The following THRAP3 variants were observed in gnomAD, a reference collection of about 807,000 sequenced individuals.
THRAP3 encodes the protein thyroid hormone receptor-associated protein 3.
A neutral mutation model predicts 101.0 loss-of-function variants in THRAP3; 16 were observed. That is an observed-to-expected ratio of 0.16 (90% CI 0.11 to 0.24). The LOEUF (loss-of-function observed/expected upper bound fraction) is 0.24. THRAP3 is among the 10% of genes least tolerant of loss of function. The pLI, the probability that THRAP3 is intolerant of heterozygous loss-of-function variation, is 1.00. For missense variants in THRAP3, 989 were observed against 1,202.7 expected (o/e 0.82, Z 2.63); for synonymous variants, 407 against 422.6 (o/e 0.96, Z 0.45).
chr1:36,210,524 A>G, the THRAP3 span, among the ~76,000 whole-genome samples: 1 of 146,316 alleles, frequency 6.8e-6, no homozygotes, highest in Non-Finnish European at 1.5e-5. Flanking sequence ...CCCTGTCTCT[A>G]CTAAAAATAC....
chr1:36,285,256 T>C (rs564939958), intron 3 of THRAP3, among the ~76,000 whole-genome samples: 3 of 152,212 alleles, frequency 2.0e-5, no homozygotes, highest in Non-Finnish European at 4.4e-5. Context: ...AAAGAAAATA[T>C]TATTTGAAAG....
chr1:36,232,386 T>C (rs1289721362), intron 1 of THRAP3, among the ~76,000 whole-genome samples: 1 of 152,204 alleles, frequency 6.6e-6, no homozygotes, highest in Non-Finnish European at 1.5e-5. Context: ...CACATGTATC[T>C]ATTACATTGG....
chr1:36,237,615 A>G (rs994898306), intron 1 of THRAP3, among the ~76,000 whole-genome samples: 3 of 151,988 alleles, frequency 2.0e-5, no homozygotes, highest in African/African-American at 7.3e-5. Context: ...TACTAAAAAT[A>G]CAAAAGTTAG....
rs11805340 is a variant in THRAP3, at chr1:36,261,135, C to T, written c.-32+1651C>T. On this transcript the variant is annotated intron_variant, in intron 2 of 11. Coordinates refer to ENST00000354618, the MANE Select transcript of THRAP3 (RefSeq NM_005119.4). ...ATCTTGGGCTAAGCGCAGTAGCTCA[C>T]ACCTGTAAGCGAAGCACTTTGGGAG... Among the ~76,000 whole-genome samples the T allele has an allele frequency of 3.2e-3, 489 of 152,288 alleles. 4 individuals are homozygous for T. Among genetic ancestry groups the T allele is most frequent in the African/African-American group, 0.011 (470 of 41,562 alleles).
the THRAP3 span, among the ~76,000 whole-genome samples, chr1:36,218,609 C>T: frequency 1.3e-5 from 2 of 151,218 alleles, no homozygotes; most frequent in Non-Finnish European, 2.9e-5. Flanking sequence ...GTAGTCCTAG[C>T]TACTCGGGAG....
chr1:36,229,930 G>A (rs1474902135), intron 1 of THRAP3, among the ~76,000 whole-genome samples: 2 of 150,386 alleles, frequency 1.3e-5, no homozygotes, highest in South Asian at 2.1e-4. Flanking sequence ...GGGATTATAG[G>A]CGTGAGCCAT....
At position 36,274,086 on chromosome 1, in the gene THRAP3, A is replaced by AGT. The variant is rs1557437722; in HGVS notation, c.-31-8447_-31-8446insGT. Among the ~76,000 whole-genome samples, 1,097 of 126,892 alleles carry AGT rather than the reference A, an allele frequency of 8.6e-3. 14 individuals are homozygous for AGT. The highest frequency in any genetic ancestry group is 0.036 in the African/African-American group (1,057 of 29,618). The allele number at this position is 126,892 out of a possible 152,430, so 83.2% of individuals were successfully genotyped here. On this transcript the variant is annotated intron_variant, in intron 2 of 11. Coordinates refer to ENST00000354618, the MANE Select transcript of THRAP3 (RefSeq NM_005119.4). ...GTGTGTGTGTGTGTGTCACACACAC[A>AGT]CACACACACACACACACACACAGAC... is the stretch of plus-strand genomic sequence containing the variant.
chr1:36,246,254 A>G (rs999044190), intron 1 of THRAP3, among the ~76,000 whole-genome samples: 6 of 152,182 alleles, frequency 3.9e-5, no homozygotes, highest in African/African-American at 1.4e-4. Flanking sequence ...GTATATAGGA[A>G]TATGTATAGA....
intron 1 of THRAP3, among the ~76,000 whole-genome samples, chr1:36,249,736 G>C (rs1008496329): frequency 1.3e-5 from 2 of 149,654 alleles, no homozygotes; most frequent in African/African-American, 4.9e-5. Flanking sequence ...GGTTGAGACA[G>C]GAGTGGTGGT....
chr1:36,239,881 C>A (rs919813722), intron 1 of THRAP3, among the ~76,000 whole-genome samples: 1 of 152,106 alleles, frequency 6.6e-6, no homozygotes, highest in African/African-American at 2.4e-5. Flanking sequence ...AAAATTTTAT[C>A]ATCTTAATCA....
the THRAP3 span, among the ~76,000 whole-genome samples, chr1:36,219,013 A>G: frequency 8.2e-5 from 12 of 146,880 alleles, no homozygotes; most frequent in South Asian, 2.2e-4. Context: ...AGCCTAGGCA[A>G]CAGAGCAAGG....
intron 9 of THRAP3, 62 bp downstream of exon 9, chr1:36,296,832 A>G (rs1456409818): frequency 3.7e-6 from 5 of 1,366,278 alleles, no homozygotes; most frequent in Non-Finnish European, 4.9e-6. Flanking sequence ...CCTTTGGGCT[A>G]TACACCAGAA....
chr1:36,224,265 C>A (rs767698202), upstream of THRAP3, among the ~76,000 whole-genome samples: 26 of 152,250 alleles, frequency 1.7e-4, no homozygotes, highest in Non-Finnish European at 3.4e-4. Flanking sequence ...CGCCGACAAC[C>A]GAGCGCGTGA....
intron 2 of THRAP3, among the ~76,000 whole-genome samples, chr1:36,282,087 A>AAT (rs1553123213): frequency 1.1e-4 from 16 of 148,900 alleles, no homozygotes; most frequent in South Asian, 8.6e-4. Flanking sequence ...GAAAAAAAAA[A>AAT]TTTTTTTTTT....
rs1646062765 is a variant in THRAP3 at position 36,303,951 on chromosome 1, T to G, written c.2802T>G (p.Ile934Met). The G allele has an allele frequency of 6.2e-7, 1 of 1,611,942 alleles. No homozygotes were observed. The change falls in exon 12 of 12, where the codon ATT becomes ATG. Residue 934 changes from isoleucine to methionine, a missense_variant. By Grantham distance (10) the Ile-to-Met change is conservative. Coordinates refer to ENST00000354618, the MANE Select transcript of THRAP3 (RefSeq NM_005119.4). ...AGTTCAGTGGGGAGGAAGGGGAGAT[T>G]GAAGACGACGAGAGTGGGACAGAGA... Reference protein sequence around the residue: ...HDKFSGEEGEIEDDESGTENR... With the variant: ...HDKFSGEEGEMEDDESGTENR...
chr1:36,270,454 A>G (rs988410806), intron 2 of THRAP3, among the ~76,000 whole-genome samples: 1 of 152,154 alleles, frequency 6.6e-6, no homozygotes, highest in African/African-American at 2.4e-5. Flanking sequence ...CAGCTATAAG[A>G]CAGGCCCTTT....
In THRAP3 at chr1:36,286,886, G is replaced by A. The variant is rs1240251410; in HGVS notation, c.656G>A (p.Ser219Asn). 1 of 1,613,998 alleles carries A rather than the reference G, an allele frequency of 6.2e-7. No individual in the cohort carries two copies. Among genetic ancestry groups the A allele is most frequent in the Non-Finnish European group, 8.5e-7 (1 of 1,179,934 alleles). The stretch of plus-strand genomic sequence containing the variant: ...TCTCAAGATACAAAAGCATCTGAGA[G>A]CTCGAAGCCATGGCCAGATGCCACC... ...GTSQDTKASE[S>N]SKPWPDATYG... Residue 219 changes from serine to asparagine, a missense_variant, in exon 4 of 12, where the codon AGC becomes AAC. Coordinates refer to ENST00000354618, the MANE Select transcript of THRAP3 (RefSeq NM_005119.4). This position sits in a 1 kb window ranked among gnomAD's most constrained non-coding sequence, Gnocchi z 5.5.
chr1:36,239,186 G>A (rs1228581502), intron 1 of THRAP3, among the ~76,000 whole-genome samples: 1 of 150,144 alleles, frequency 6.7e-6, no homozygotes, highest in African/African-American at 2.5e-5. Context: ...TTACAGGTGT[G>A]AGCCACCATG....
intron 1 of THRAP3, among the ~76,000 whole-genome samples, chr1:36,230,512 C>T (rs1241207410): frequency 6.6e-6 from 1 of 151,546 alleles, no homozygotes; most frequent in African/African-American, 2.4e-5. Flanking sequence ...ATCCACCTGC[C>T]TCGTCCTCCC....
Sources: allele counts gnomAD v4.1 joint callset (sites outside exome capture counted in the v4.1 genomes callset), GRCh38; gene constraint gnomAD v4.1.1; non-coding constraint Gnocchi (gnomAD v3.1); transcripts MANE v1.5; gene names NCBI Gene and HGNC (gene_info 2026-07-23, HGNC 2026-07-21).